The following RFWD3 variants were observed in gnomAD, a reference collection of about 807,000 sequenced individuals.
The protein encoded by RFWD3 is ring finger and WD repeat domain 3.
RFWD3 carries 65 observed loss-of-function variants against 87.7 expected under a neutral mutation model. That is an observed-to-expected ratio of 0.74 (90% CI 0.61 to 0.91). RFWD3 has a LOEUF of 0.91. RFWD3 is among the 40% of genes least tolerant of loss of function. The probability of loss-of-function intolerance (pLI) is 0.00; values close to 1 mark genes in which losing one functional copy is unlikely to be tolerated. For missense variants in RFWD3, 1,078 were observed against 938.5 expected (o/e 1.15, Z -1.94); for synonymous variants, 433 against 352.8 (o/e 1.23, Z -2.55).
At chr16:74,663,814 T>C (rs1474071473) in intron 1 of RFWD3, among the ~76,000 whole-genome samples, 2 of 152,066 alleles carry the variant, frequency 1.3e-5, no homozygotes, top group African/African-American at 2.4e-5. Context: ...GGGTGAGGTG[T>C]GTTATTGAGA....
At chr16:74,646,980 G>A (rs1003866713) in intron 4 of RFWD3, among the ~76,000 whole-genome samples, 4 of 152,068 alleles carry the variant, frequency 2.6e-5, no homozygotes, top group Admixed American at 6.5e-5. Flanking sequence ...CCCAGCTACC[G>A]GGAGGCTGAG....
chr16:74,660,862 A>T (rs1291415240), intron 2 of RFWD3, 70 bp downstream of exon 2: 5 of 1,516,336 alleles, frequency 3.3e-6, no homozygotes, highest in Non-Finnish European at 1.8e-6. Context: ...TCAGTCCTTG[A>T]ATGGCAGAGC....
intron 3 of RFWD3, among the ~76,000 whole-genome samples, chr16:74,651,224 C>A (rs1170591468): frequency 6.6e-6 from 1 of 152,192 alleles, no homozygotes; most frequent in Non-Finnish European, 1.5e-5. Context: ...CTGCCTACGA[C>A]TATTAAATAA....
Position 74,636,473 on chromosome 16 carries a change from C to A in RFWD3, c.1299G>T (p.Lys433Asn). The change falls in exon 8 of 13, where the codon AAG becomes AAT. Residue 433 changes from lysine (K) to asparagine (N), a missense_variant. Lys to Asn is a moderately conservative substitution (Grantham distance 94). Coordinates refer to ENST00000361070, the MANE Select transcript of RFWD3 (RefSeq NM_018124.4). ...AGGTCTTTTGGAAGTGGTACTTGTGCTTGTGCTGGCCCTGGCTGGAGGGTG... is the reference window on the plus strand; with the variant it reads ...AGGTCTTTTGGAAGTGGTACTTGTGATTGTGCTGGCCCTGGCTGGAGGGTG... ...SCSPSSQGQH[K>N]HKYHFQKTFT... 6.2e-7 allele frequency: 1 copy of A among 1,614,076 alleles called. No individual in the cohort carries two copies. Among genetic ancestry groups the A allele is most frequent in the Non-Finnish European group, 8.5e-7 (1 of 1,180,030 alleles).
Position 74,638,035 on chromosome 16 carries a change from G to A in RFWD3, c.1080-65C>T, listed in dbSNP as rs1421676635. ...GCTACAGAAGACTTCCCATCCAGGT[G>A]GCAGAGTTAAGTTCATGCTATGATG... On this transcript the variant is annotated intron_variant, in intron 6 of 12. Coordinates refer to ENST00000361070, the MANE Select transcript of RFWD3 (RefSeq NM_018124.4). The A allele has an allele frequency of 7.5e-6, 8 of 1,073,158 alleles. No individual in the cohort carries two copies. In the East Asian group the frequency reaches 1.0e-4, roughly 13 times the overall value. 66.5% of individuals were successfully genotyped at this position (1,073,158 alleles called of 1,614,324 possible).
intron 1 of RFWD3, among the ~76,000 whole-genome samples, chr16:74,662,498 A>G (rs1049531349): frequency 2.0e-5 from 3 of 152,224 alleles, no homozygotes; most frequent in Non-Finnish European, 4.4e-5. Context: ...AAAAAATTAT[A>G]GATTATGATG....
intron 4 of RFWD3, among the ~76,000 whole-genome samples, chr16:74,646,526 A>C (rs1245738434): frequency 6.6e-6 from 1 of 152,170 alleles, no homozygotes; most frequent in East Asian, 1.9e-4. Flanking sequence ...AGTGGCTCAC[A>C]CCTGTAATCC....
At position 74,659,473 on chromosome 16, in the gene RFWD3, C is replaced by T. The variant is rs188082161; in HGVS notation, c.518+1459G>A. Among the ~76,000 whole-genome samples, 729 of 152,208 alleles carry T rather than the reference C, an allele frequency of 4.8e-3. 4 individuals are homozygous for T. Among genetic ancestry groups the T allele is most frequent in the Non-Finnish European group, 8.7e-3 (589 of 68,008 alleles). On this transcript the variant is annotated intron_variant, in intron 2 of 12. Transcript: ENST00000361070. ...AGCCAAGCCTGCTGGTGCACGCCTG[C>T]AATCCCAGCTACTTAGGAGGCTGAG...
chr16:74,665,461 C>G (rs1324733456), intron 1 of RFWD3, among the ~76,000 whole-genome samples: 1 of 152,034 alleles, frequency 6.6e-6, no homozygotes, highest in Non-Finnish European at 1.5e-5. Flanking sequence ...GCCTGTAATC[C>G]CAGCTACTTG....
chr16:74,626,442 A>T lies in RFWD3; in HGVS notation c.2082T>A (p.Pro694=), dbSNP rs754717577. ...CQPVHTFFGG[P]TCKLLTKNAI... Reference sequence around the variant, plus strand: ...CATTTTTGGTCAATAGTTTGCAAGTAGGTCCTCCAAAAAATGTATGTACAG... The same window carrying T: ...CATTTTTGGTCAATAGTTTGCAAGTTGGTCCTCCAAAAAATGTATGTACAG... Residue 694 remains proline (P), a synonymous_variant, in exon 12 of 13, where the codon CCT becomes CCA. Transcript: ENST00000361070. The T allele has an allele frequency of 6.2e-7, 1 of 1,614,192 alleles. No homozygotes were observed. The highest frequency in any genetic ancestry group is 8.5e-7 in the Non-Finnish European group (1 of 1,180,026).
At chr16:74,659,568 C>T (rs1961266227) in intron 2 of RFWD3, among the ~76,000 whole-genome samples, 1 of 151,358 alleles carries the variant, frequency 6.6e-6, no homozygotes, top group African/African-American at 2.4e-5. Context: ...GCACTCCAGC[C>T]TGAGTGACAG....
chr16:74,649,287 T>A, intron 3 of RFWD3, 85 bp from the exon 4 acceptor site: 1 of 927,762 alleles, frequency 1.1e-6, no homozygotes, highest in Non-Finnish European at 1.6e-6. Context: ...GGAGAGAGCC[T>A]GACTCACTAC....
In RFWD3 at chr16:74,666,852, C is replaced by CTCGGTAGTTACCTCCGCCGAAA. The variant is rs1961985699; in HGVS notation, c.-70_-69insTTTCGGCGGAGGTAACTACCGA. 2.6e-5 allele frequency: 1 copy of CTCGGTAGTTACCTCCGCCGAAA among 37,752 alleles called. No individual in the cohort carries two copies. Among genetic ancestry groups the CTCGGTAGTTACCTCCGCCGAAA allele is most frequent in the Admixed American group, 2.1e-4 (1 of 4,726 alleles). The allele number at this position is 37,752 out of a possible 1,614,324, so 2.3% of individuals were successfully genotyped here. A position where few individuals can be genotyped will look rare whatever the true frequency, so the allele number is the denominator to read the frequency against. ...AGACTCGGTAGTTACCTCGGCCGCA[C>CTCGGTAGTTACCTCCGCCGAAA]TCCGAATGCACCTACGCCAACTGCC... On this transcript the variant is annotated 5_prime_UTR_variant, in exon 1 of 13. Transcript: ENST00000361070.
In RFWD3 at chr16:74,666,845, G is replaced by GCCGAAGACTCGGTAGTTACGTCC. The variant is rs56890104; in HGVS notation, c.-63_-62insGGACGTAACTACCGAGTCTTCGG. 6.6e-6 allele frequency: 1 copy of GCCGAAGACTCGGTAGTTACGTCC among 150,860 alleles called. No homozygotes were observed. The highest frequency in any genetic ancestry group is 1.5e-5 in the Non-Finnish European group (1 of 67,736). The allele number at this position is 150,860 out of a possible 1,614,324, so 9.3% of individuals were successfully genotyped here. A position where few individuals can be genotyped will look rare whatever the true frequency, so the allele number is the denominator to read the frequency against. On this transcript the variant is annotated 5_prime_UTR_variant, in exon 1 of 13. Transcript: ENST00000361070. ...CCGCCGAAGACTCGGTAGTTACCTC[G>GCCGAAGACTCGGTAGTTACGTCC]GCCGCACTCCGAATGCACCTACGCC...
In RFWD3 at chr16:74,628,437, C is replaced by T. The variant is rs759895834; in HGVS notation, c.1969+15G>A. 2 of 1,612,816 alleles carry T rather than the reference C, an allele frequency of 1.2e-6. No homozygotes were observed. The highest frequency in any genetic ancestry group is 2.2e-5 in the South Asian group (2 of 91,022). The stretch of plus-strand genomic sequence containing the variant: ...TGCTCCCAAATAAGCTATGGGAGAC[C>T]CCAGCACTACTTACCAGGCCTGTAG... On this transcript the variant is annotated intron_variant, in intron 11 of 12. Coordinates refer to ENST00000361070, the MANE Select transcript of RFWD3 (RefSeq NM_018124.4).
intron 3 of RFWD3, 80 bp from the exon 4 acceptor site, chr16:74,649,282 G>A (rs915853789): frequency 7.0e-6 from 7 of 1,002,816 alleles, no homozygotes; most frequent in Non-Finnish European, 1.0e-5. Context: ...TAGCAGGAGA[G>A]AGCCTGACTC....
rs371136829 is a variant in RFWD3 at position 74,660,339 on chromosome 16, G to C, written c.518+593C>G. 1.1e-4 allele frequency among the ~76,000 whole-genome samples: 17 copies of C among 152,348 alleles called. No homozygotes were observed. The East Asian group carries it at 1.5e-3, about 14-fold the overall frequency. Reference sequence around the variant, plus strand: ...GTGGTGGCACGCGCCTGTAATGCCAGGTACTGGGGAAGCTGAGGCAGGAGA... The same window carrying C: ...GTGGTGGCACGCGCCTGTAATGCCACGTACTGGGGAAGCTGAGGCAGGAGA... On this transcript the variant is annotated intron_variant, in intron 2 of 12. Transcript: ENST00000361070.
At chr16:74,624,102 G>T (rs1197419408) in intron 12 of RFWD3, 31 bp from the exon 13 acceptor site, 4 of 1,608,440 alleles carry the variant, frequency 2.5e-6, no homozygotes, top group Non-Finnish European at 3.4e-6. Context: ...GAAGGGTCAG[G>T]AGTCAGTCAG....
In RFWD3 at chr16:74,660,998, G is replaced by C. The variant is rs1270130710; in HGVS notation, c.452C>G (p.Thr151Arg). 1.2e-6 allele frequency: 2 copies of C among 1,614,130 alleles called. No homozygotes were observed. Among genetic ancestry groups the C allele is most frequent in the South Asian group, 1.1e-5 (1 of 91,078 alleles). Reference protein sequence around the residue: ...SSNHSVGPMRTRRRVSASRRA... With the variant: ...SSNHSVGPMRRRRRVSASRRA... ...CCGTGAAGCAGATACCCTCCTTCTT[G>C]TTCTCATTGGCCCTACACTGTGGTT... is the stretch of plus-strand genomic sequence containing the variant. Residue 151 changes from threonine (T) to arginine (R), a missense_variant, in exon 2 of 13, where the codon ACA becomes AGA. Coordinates refer to ENST00000361070, the MANE Select transcript of RFWD3 (RefSeq NM_018124.4).
Sources: gnomAD v4.1 joint callset for allele counts (sites outside exome capture counted in the v4.1 genomes callset) on GRCh38, gnomAD v4.1.1 for gene constraint, MANE v1.5 for transcripts, NCBI Gene and HGNC (gene_info 2026-07-23, HGNC 2026-07-21) for gene names.